TAF12: variants seen among roughly 807,000 people sequenced by gnomAD.
The protein encoded by TAF12 is TATA-box binding protein associated factor 12.
In TAF12, 3 loss-of-function variants were observed where a neutral mutation model predicts 20.8. The observed-to-expected ratio is 0.14, with a 90% CI of 0.07 to 0.37. TAF12 has a LOEUF of 0.37. Ranked by LOEUF, TAF12 falls within the 10% of genes least tolerant of loss-of-function variation. The pLI, the probability that TAF12 is intolerant of heterozygous loss-of-function variation, is 1.00. For synonymous variants in TAF12, 69 were observed against 70.2 expected, an observed-to-expected ratio of 0.98 and a Z score of 0.09; for missense variants, 131 against 197.9, an observed-to-expected ratio of 0.66 and a Z score of 2.03.
chr1:28,613,510 G>T, intron 3 of TAF12, 149 bp from the exon 4 acceptor site: 1 of 636,354 alleles, frequency 1.6e-6, no homozygotes, highest in Non-Finnish European at 2.7e-6. Context: ...TGGGGAAGAG[G>T]AATGAGAAGG....
chr1:28,639,245 G>A (rs367709862), intron 1 of TAF12, among the ~76,000 whole-genome samples: 10 of 151,126 alleles, frequency 6.6e-5, no homozygotes, highest in South Asian at 4.2e-4. Flanking sequence ...GGTGAAACCC[G>A]TCTCTACTAA....
At chr1:28,631,941 T>C (rs1667643656) in intron 1 of TAF12, among the ~76,000 whole-genome samples, 1 of 152,176 alleles carries the variant, frequency 6.6e-6, no homozygotes, top group Admixed American at 6.6e-5. Flanking sequence ...TCTTCTAAAG[T>C]TAAATGTATG....
At chr1:28,645,083 C>T (rs1030010077), upstream of TAF12, among the ~76,000 whole-genome samples, 7 of 151,708 alleles carry the variant, frequency 4.6e-5, no homozygotes, top group Non-Finnish European at 1.0e-4. Context: ...TCACCCAGGC[C>T]GGACTGCAGT....
chr1:28,625,448 G>A (rs1301022272), intron 1 of TAF12, among the ~76,000 whole-genome samples: 2 of 151,960 alleles, frequency 1.3e-5, no homozygotes, highest in South Asian at 4.1e-4. Flanking sequence ...ATGGTTCACT[G>A]CAGACTCAAA....
chr1:28,603,868 C>CT lies in TAF12; in HGVS notation c.451-295dup, dbSNP rs1290229419. Among the ~76,000 whole-genome samples, 3 of 151,646 alleles carry CT rather than the reference C, an allele frequency of 2.0e-5. No homozygotes were observed. The East Asian group carries it at 5.8e-4, about 29-fold the overall frequency. On this transcript the variant is annotated intron_variant, in intron 5 of 5. Transcript: ENST00000373824. ...AGTGACAGCTCTTGAGTTTTGGTGA[C>CT]TTAGAGAATAAGCTGGCAAAGCATG...
At chr1:28,614,137 C>T (rs947493958) in intron 3 of TAF12, among the ~76,000 whole-genome samples, 1 of 151,920 alleles carries the variant, frequency 6.6e-6, no homozygotes, top group African/African-American at 2.4e-5. Flanking sequence ...ACTTGGGAGG[C>T]TGGGGCAGGA....
intron 2 of TAF12, among the ~76,000 whole-genome samples, chr1:28,618,328 C>G (rs1667105606): frequency 1.3e-5 from 2 of 152,166 alleles, no homozygotes; most frequent in Non-Finnish European, 2.9e-5. Context: ...TTGCAATTCT[C>G]TGACCACCAC....
intron 4 of TAF12, among the ~76,000 whole-genome samples, chr1:28,608,057 C>T (rs760190030): frequency 6.6e-6 from 1 of 151,320 alleles, no homozygotes; most frequent in African/African-American, 2.4e-5. Flanking sequence ...AACAGCCGGG[C>T]GTGATGGCTC....
chr1:28,608,562 T>G (rs1289937711), intron 4 of TAF12, among the ~76,000 whole-genome samples: 3 of 151,682 alleles, frequency 2.0e-5, no homozygotes, highest in African/African-American at 7.3e-5. Context: ...GAGACCAGCC[T>G]GGGCAACACA....
intron 1 of TAF12, among the ~76,000 whole-genome samples, chr1:28,635,361 A>G (rs1359735362): frequency 8.3e-6 from 1 of 120,098 alleles, no homozygotes; most frequent in East Asian, 2.8e-4. Flanking sequence ...GCTACAGTGC[A>G]GTGGCGCAAT....
chr1:28,616,395 C>CAA lies in TAF12; in HGVS notation c.246+1556_246+1557dup, dbSNP rs534264411. Among the ~76,000 whole-genome samples the CAA allele has an allele frequency of 6.1e-3, 448 of 73,168 alleles. 4 individuals are homozygous for CAA. Among genetic ancestry groups the CAA allele is most frequent in the African/African-American group, 0.021 (430 of 20,156 alleles). 48.0% of individuals were successfully genotyped at this position (73,168 alleles called of 152,430 possible). On this transcript the variant is annotated intron_variant, in intron 3 of 5. Coordinates refer to ENST00000373824, the MANE Select transcript of TAF12 (RefSeq NM_005644.4). ...TGGGCAGCTGAGCAAGATTCTGTCT[C>CAA]AAAAAAAAAAAAAAAAGAAAAGAAA...
chr1:28,633,371 T>C (rs989368608), intron 1 of TAF12, among the ~76,000 whole-genome samples: 2 of 140,926 alleles, frequency 1.4e-5, no homozygotes, highest in Admixed American at 1.4e-4. Context: ...TTTCGTCATG[T>C]TGGCCAGGCT....
intron 1 of TAF12, among the ~76,000 whole-genome samples, chr1:28,625,735 G>A (rs1191103220): frequency 2.0e-5 from 3 of 151,848 alleles, no homozygotes; most frequent in African/African-American, 7.3e-5. Flanking sequence ...TAGAGACGGG[G>A]TTTCACCGTG....
intron 1 of TAF12, among the ~76,000 whole-genome samples, chr1:28,639,088 T>G (rs1309647998): frequency 4.6e-5 from 7 of 151,824 alleles, no homozygotes; most frequent in Non-Finnish European, 8.8e-5. Flanking sequence ...CTATTTTAAT[T>G]TTTTAAGACA....
Position 28,608,475 on chromosome 1 carries a change from C to T in TAF12, c.362-3015G>A, listed in dbSNP as rs191188014. 3.4e-3 allele frequency among the ~76,000 whole-genome samples: 513 copies of T among 152,178 alleles called. 2 individuals are homozygous for T. The highest frequency in any genetic ancestry group is 0.012 in the African/African-American group (489 of 41,522). Reference sequence around the variant, plus strand: ...GTCACTTTAAAGAAAGAGAGCAGGCCGGGTGTGGTGGCTCACGGCTGCAAT... The same window carrying T: ...GTCACTTTAAAGAAAGAGAGCAGGCTGGGTGTGGTGGCTCACGGCTGCAAT... On this transcript the variant is annotated intron_variant, in intron 4 of 5. Transcript: ENST00000373824.
At chr1:28,603,608 A>G in intron 5 of TAF12, 34 bp from the exon 6 acceptor site, 1 of 1,612,524 alleles carries the variant, frequency 6.2e-7, no homozygotes, top group Non-Finnish European at 8.5e-7. Context: ...GTTATACAGC[A>G]GCAGCTGGAG....
At chr1:28,622,337 T>C (rs1212547325) in intron 1 of TAF12, among the ~76,000 whole-genome samples, 172 bp from the exon 2 acceptor site, 1 of 124,352 alleles carries the variant, frequency 8.0e-6, no homozygotes, top group Non-Finnish European at 1.6e-5. Context: ...TTGGGCAACA[T>C]AGCGAGACCT....
chr1:28,628,228 TGGGGGGGGGG>T (rs760486849), intron 1 of TAF12, among the ~76,000 whole-genome samples: 1 of 3,872 alleles, frequency 2.6e-4, no homozygotes, highest in Admixed American at 4.2e-3. Flanking sequence ...GTGCAGGGGG[TGGGGGGGGGG>T]GGGGCGCCTG....
Position 28,618,017 on chromosome 1 carries a change from T to C in TAF12, c.182A>G (p.Lys61Arg), listed in dbSNP as rs1251927318. Residue 61 changes from lysine to arginine, a missense_variant, in exon 3 of 6, where the codon AAG (lysine) becomes AGG (arginine). Lys to Arg is a conservative substitution (Grantham distance 26). Coordinates refer to ENST00000373824, the MANE Select transcript of TAF12 (RefSeq NM_005644.4). Reference sequence around the variant, plus strand: ...TTCTCTTACTAAGTCCTGTAATTTCTTCTTGGTCAATACCTAAAGTTAATT... The same window carrying C: ...TTCTCTTACTAAGTCCTGTAATTTCCTCTTGGTCAATACCTAAAGTTAATT... ...SPENNQVLTK[K>R]KLQDLVREVD... The C allele has an allele frequency of 6.2e-7, 1 of 1,613,692 alleles. No individual in the cohort carries two copies. Among genetic ancestry groups the C allele is most frequent in the African/African-American group, 1.3e-5 (1 of 74,940 alleles).
Sources: gnomAD v4.1 joint callset for allele counts (sites outside exome capture counted in the v4.1 genomes callset) on GRCh38, gnomAD v4.1.1 for gene constraint, MANE v1.5 for transcripts, NCBI Gene and HGNC (gene_info 2026-07-23, HGNC 2026-07-21) for gene names.